Variants in CNFN observed in about 807,000 individuals in gnomAD.
CNFN encodes cornifelin, also known as cornefied envelope protein cornefilin.
A neutral mutation model predicts 14.9 loss-of-function variants in CNFN; 10 were observed. The observed-to-expected ratio is 0.67, with a 90% CI of 0.41 to 1.14. The LOEUF is 1.14. Ranked by LOEUF, CNFN falls within the 50% of genes most tolerant of loss-of-function variation. CNFN has a pLI of 0.00. For missense variants in CNFN, 165 were observed against 152.8 expected (o/e 1.08, Z -0.42); for synonymous variants, 66 against 60.0 (o/e 1.10, Z -0.46).
intron 1 of CNFN, among the ~76,000 whole-genome samples, chr19:42,389,270 G>A (rs1419070769): frequency 6.6e-6 from 1 of 152,254 alleles, no homozygotes; most frequent in African/African-American, 2.4e-5. Flanking sequence ...GGGGGTGGGG[G>A]TCTCCTGCAC....
At chr19:42,389,999 C>T (rs866098611) in intron 1 of CNFN, among the ~76,000 whole-genome samples, 2 of 152,352 alleles carry the variant, frequency 1.3e-5, no homozygotes, top group Admixed American at 6.5e-5. Context: ...CCACGTCTGA[C>T]GGCCCAGGCC....
At position 42,389,402 on chromosome 19, in the gene CNFN, G is replaced by T. The variant is rs537133213; in HGVS notation, c.-2-363C>A. 5 of 1,140,740 alleles carry T rather than the reference G, an allele frequency of 4.4e-6. No individual in the cohort carries two copies. In the African/African-American group the frequency reaches 7.9e-5, roughly 18 times the overall value. The allele number at this position is 1,140,740 out of a possible 1,614,324, so 70.7% of individuals were successfully genotyped here. ...GGCCTCTGGGGTGGAAGCAGGCGCCGTCTGTCTTCGAAGCAAGGGTGCCCA... is the reference window on the plus strand; with the variant it reads ...GGCCTCTGGGGTGGAAGCAGGCGCCTTCTGTCTTCGAAGCAAGGGTGCCCA... On this transcript the variant is annotated intron_variant, in intron 1 of 3. Transcript: ENST00000222032.
intron 2 of CNFN, among the ~76,000 whole-genome samples, 187 bp from the exon 3 acceptor site, chr19:42,387,663 T>C (rs2039864139): frequency 6.7e-6 from 1 of 148,384 alleles, no homozygotes; most frequent in Admixed American, 6.6e-5. Flanking sequence ...TTTTCTTTTT[T>C]TTTTTTTCTT....
chr19:42,388,146 C>G (rs1411518738), intron 2 of CNFN, among the ~76,000 whole-genome samples: 1 of 151,958 alleles, frequency 6.6e-6, no homozygotes, highest in East Asian at 1.9e-4. Context: ...CTCGGCCTCC[C>G]GAGTAGCTGG....
chr19:42,389,175 C>T (rs1448882748), intron 1 of CNFN, 136 bp from the exon 2 acceptor site: 1 of 653,736 alleles, frequency 1.5e-6, no homozygotes, highest in East Asian at 2.8e-5. Flanking sequence ...ACCACTGTGC[C>T]TCCCCCTTCC....
intron 1 of CNFN, 106 bp from the exon 2 acceptor site, chr19:42,389,145 A>C: frequency 2.5e-6 from 2 of 815,594 alleles, no homozygotes; most frequent in Non-Finnish European, 3.9e-6. Flanking sequence ...CGGGGCCGCC[A>C]GGCCGCCCAC....
At chr19:42,389,577 A>G (rs2147533677) in intron 1 of CNFN, 1 of 1,281,076 alleles carries the variant, frequency 7.8e-7, no homozygotes, top group East Asian at 5.6e-5. Flanking sequence ...GGCTGTGGCA[A>G]CAGTGGCAGA....
intron 1 of CNFN, 142 bp from the exon 2 acceptor site, chr19:42,389,181 C>A: frequency 1.5e-6 from 1 of 647,538 alleles, no homozygotes; most frequent in South Asian, 1.9e-5. Context: ...GTGCCTCCCC[C>A]TTCCCTTCTG....
At chr19:42,389,681 A>G (rs546245981) in intron 1 of CNFN, 15 of 464,332 alleles carry the variant, frequency 3.2e-5, no homozygotes, top group South Asian at 2.4e-4. Flanking sequence ...CTGGGGAGAA[A>G]GAGGCCAAGT....
intron 1 of CNFN, chr19:42,389,607 G>T: frequency 4.1e-6 from 4 of 978,196 alleles, no homozygotes; most frequent in Non-Finnish European, 5.6e-6. Flanking sequence ...AGGGACGCTG[G>T]ATACTGGGGA....
At chr19:42,387,657 C>CTT (rs1174031559) in intron 2 of CNFN, among the ~76,000 whole-genome samples, 181 bp from the exon 3 acceptor site, 3 of 135,862 alleles carry the variant, frequency 2.2e-5, no homozygotes, top group Non-Finnish European at 4.8e-5. Context: ...CAGGGTTTTT[C>CTT]TTTTTTTTTT....
Position 42,389,019 on chromosome 19 carries a change from T to C in CNFN, c.19A>G (p.Ser7Gly). 5 of 1,613,628 alleles carry C rather than the reference T, an allele frequency of 3.1e-6. No homozygotes were observed. The highest frequency in any genetic ancestry group is 4.2e-6 in the Non-Finnish European group (5 of 1,179,842). Residue 7 changes from serine to glycine, a missense_variant, in exon 2 of 4, where the codon AGT becomes GGT. Transcript: ENST00000222032. MSYPVT[S>G]QPQCATTSCY... ...CTGGTGGTGGCGCACTGGGGCTGAC[T>C]GGTCACAGGGTAGGACATAGCTGCA...
At position 42,387,411 on chromosome 19, in the gene CNFN, A is replaced by T; in HGVS notation, c.178T>A (p.Cys60Ser). The change falls in exon 3 of 4, where the codon TGC (cysteine) becomes AGC (serine). Residue 60 changes from cysteine (C) to serine (S), a missense_variant. Cys to Ser is a moderately radical substitution (Grantham distance 112, BLOSUM62 -1). Transcript: ENST00000222032. Reference protein sequence around the residue: ...CRISDDFGECCCAPYLPGGLH... With the variant: ...CRISDDFGECSCAPYLPGGLH... ...CCTCCGGGCAGGTAGGGCGCGCAGC[A>T]GCACTCGCCAAAGTCGTCGGAGATG... is the stretch of plus-strand genomic sequence containing the variant. 6.2e-7 allele frequency: 1 copy of T among 1,602,294 alleles called. No individual in the cohort carries two copies. The highest frequency in any genetic ancestry group is 1.1e-5 in the South Asian group (1 of 89,550).
intron 2 of CNFN, among the ~76,000 whole-genome samples, chr19:42,388,431 G>A (rs2039872481): frequency 6.6e-6 from 1 of 151,978 alleles, no homozygotes; most frequent in South Asian, 2.1e-4. Flanking sequence ...CTGACCTTGT[G>A]GTCCACCTGC....
chr19:42,387,317 C>T lies in CNFN; in HGVS notation c.249+23G>A, dbSNP rs768674682. ...GCCAGTCCCCAGCTCCCTGCTCCCGCGGGTCCCCAGCCCGGCGCGCACCTG... is the reference window on the plus strand; with the variant it reads ...GCCAGTCCCCAGCTCCCTGCTCCCGTGGGTCCCCAGCCCGGCGCGCACCTG... On this transcript the variant is annotated intron_variant, in intron 3 of 3. Transcript: ENST00000222032. 64 of 1,598,896 alleles carry T rather than the reference C, an allele frequency of 4.0e-5. 2 individuals are homozygous for T. The South Asian group carries it at 6.7e-4, about 17-fold the overall frequency.
intron 1 of CNFN, chr19:42,389,575 C>T (rs2039882766): frequency 7.9e-7 from 1 of 1,273,444 alleles, no homozygotes; most frequent in Non-Finnish European, 1.0e-6. Flanking sequence ...GTGGCTGTGG[C>T]AACAGTGGCA....
intron 2 of CNFN, among the ~76,000 whole-genome samples, chr19:42,388,350 G>T (rs1368363170): frequency 2.1e-5 from 3 of 144,838 alleles, no homozygotes; most frequent in African/African-American, 8.2e-5. Context: ...CCGCCACCAC[G>T]CCCGGTTTTT....
rs536326488 is a variant in CNFN, at chr19:42,387,285, C to T, written c.250-43G>A. 4.4e-6 allele frequency: 7 copies of T among 1,606,286 alleles called. No homozygotes were observed. In the South Asian group the frequency reaches 7.7e-5, roughly 18 times the overall value. ...GCGGTCAGGAGCCCCGCGGTGGGTC[C>T]CAGGAGGCCAGTCCCCAGCTCCCTG... On this transcript the variant is annotated intron_variant, in intron 3 of 3. Transcript: ENST00000222032.
intron 2 of CNFN, among the ~76,000 whole-genome samples, chr19:42,388,213 A>G (rs1322127160): frequency 1.3e-5 from 2 of 151,708 alleles, no homozygotes; most frequent in African/African-American, 4.8e-5. Context: ...TTTATTTTTG[A>G]GACGGAATCT....
Sources: allele counts gnomAD v4.1 joint callset (sites outside exome capture counted in the v4.1 genomes callset), GRCh38; gene constraint gnomAD v4.1.1; transcripts MANE v1.5; gene names NCBI Gene and HGNC (gene_info 2026-07-23, HGNC 2026-07-21).